The following CNTN5 variants were observed in gnomAD, a reference collection of about 807,000 sequenced individuals.
The protein encoded by CNTN5 is contactin 5.
In CNTN5, 77 loss-of-function variants were observed where a neutral mutation model predicts 129.1. The ratio of observed to expected loss-of-function variants is 0.60; its 90% CI spans 0.50 to 0.72. The LOEUF (loss-of-function observed/expected upper bound fraction) is 0.72, where lower values mean the gene tolerates loss of function less well. Among genes scored for constraint, CNTN5 ranks in the 30% least tolerant of loss-of-function variants. The pLI, the probability that CNTN5 is intolerant of heterozygous loss-of-function variation, is 0.00. For synonymous variants in CNTN5, 509 were observed against 465.6 expected (o/e 1.09, Z -1.20); for missense variants, 1,478 against 1,328.8 (o/e 1.11, Z -1.75).
At chr11:99,204,801 T>C (rs7938173) in intron 1 of CNTN5, among the ~76,000 whole-genome samples, 78,268 of 151,936 alleles carry the variant, frequency 0.52, 20,406 homozygotes, top group African/African-American at 0.61. Context: ...AGAGCTGGCG[T>C]GGAGGTATTC....
At chr11:99,890,028 T>C (rs962028899) in intron 6 of CNTN5, among the ~76,000 whole-genome samples, 3 of 152,230 alleles carry the variant, frequency 2.0e-5, no homozygotes, top group Non-Finnish European at 2.9e-5. Flanking sequence ...TAATCACATA[T>C]GTTTTCTCAT....
chr11:100,332,224 A>G (rs182778320), intron 21 of CNTN5, among the ~76,000 whole-genome samples: 2 of 152,284 alleles, frequency 1.3e-5, no homozygotes, highest in East Asian at 3.9e-4. Context: ...TGCATAAACT[A>G]GAAAATCTAG....
At chr11:99,042,359 C>CTTTTTTTT (rs1864020011) in intron 1 of CNTN5, among the ~76,000 whole-genome samples, 1 of 129,784 alleles carries the variant, frequency 7.7e-6, no homozygotes, top group African/African-American at 3.1e-5. Flanking sequence ...CTCCCTTCTT[C>CTTTTTTTT]TTCTTCTTTT....
chr11:100,244,822 G>A (rs1056988286), intron 16 of CNTN5, among the ~76,000 whole-genome samples: 3 of 151,930 alleles, frequency 2.0e-5, no homozygotes, highest in South Asian at 2.1e-4. Flanking sequence ...TGTTTGTTTC[G>A]GCTAGCTTTT....
At chr11:99,628,777 A>AT (rs1207795174) in intron 3 of CNTN5, among the ~76,000 whole-genome samples, 22 of 152,080 alleles carry the variant, frequency 1.4e-4, no homozygotes, top group African/African-American at 5.3e-4. Flanking sequence ...CTTCTGTTTG[A>AT]TTTTTTTCCT....
chr11:99,593,761 G>A (rs1950046136), intron 3 of CNTN5, among the ~76,000 whole-genome samples: 1 of 152,110 alleles, frequency 6.6e-6, no homozygotes, highest in Admixed American at 6.5e-5. Context: ...CTTCTTCTGT[G>A]TTTACAGAGG....
At chr11:99,379,743 T>C (rs745923239) in intron 2 of CNTN5, among the ~76,000 whole-genome samples, 15 of 152,202 alleles carry the variant, frequency 9.9e-5, no homozygotes, top group Non-Finnish European at 1.9e-4. Flanking sequence ...GCCCCTCCAG[T>C]GGGGCAGAGA....
chr11:100,049,133 GT>G (rs1406495014), intron 9 of CNTN5, among the ~76,000 whole-genome samples: 1 of 151,888 alleles, frequency 6.6e-6, no homozygotes, highest in Non-Finnish European at 1.5e-5. Flanking sequence ...AGCAAGAAAT[GT>G]TTTTTTAAAA....
chr11:99,606,761 T>A (rs1443831137), intron 3 of CNTN5, among the ~76,000 whole-genome samples: 6 of 143,254 alleles, frequency 4.2e-5, no homozygotes, highest in Non-Finnish European at 6.2e-5. Context: ...TATAGATCAA[T>A]GGAACAGAAC....
rs537351329 is a variant in CNTN5 at position 99,592,516 on chromosome 11, A to G, written c.55+36247A>G. Among the ~76,000 whole-genome samples the G allele has an allele frequency of 3.9e-5, 6 of 152,306 alleles. No individual in the cohort carries two copies. In the South Asian group the frequency reaches 1.2e-3, roughly 32 times the overall value. ...GGAGACACAGCCATTTGAGTATGAT[A>G]ACATGGGAAGACGCCAAGCTGGAGT... On this transcript the variant is annotated intron_variant, in intron 3 of 24. Coordinates refer to ENST00000524871, the MANE Select transcript of CNTN5 (RefSeq NM_014361.4).
At position 99,225,277 on chromosome 11, in the gene CNTN5, A is replaced by G. The variant is rs147610371; in HGVS notation, c.-209-100069A>G. Among the ~76,000 whole-genome samples, 242 of 152,258 alleles carry G rather than the reference A, an allele frequency of 1.6e-3. 2 individuals carry two copies. Among genetic ancestry groups the G allele is most frequent in the African/African-American group, 4.4e-3 (182 of 41,566 alleles). On this transcript the variant is annotated intron_variant, in intron 1 of 24. Transcript: ENST00000524871. Reference sequence around the variant, plus strand: ...CCCTCCGTGTGACAATGTGAAGCCTATAGCAACAGGGCGCTATAGGCCTGC... The same window carrying G: ...CCCTCCGTGTGACAATGTGAAGCCTGTAGCAACAGGGCGCTATAGGCCTGC...
chr11:99,541,379 G>C (rs1052856831), intron 2 of CNTN5, among the ~76,000 whole-genome samples: 3 of 152,056 alleles, frequency 2.0e-5, no homozygotes, highest in African/African-American at 7.2e-5. Context: ...ATGGTGGTTG[G>C]TACTTTTTAT....
At chr11:99,217,865 G>T (rs1357557807) in intron 1 of CNTN5, among the ~76,000 whole-genome samples, 6 of 151,926 alleles carry the variant, frequency 3.9e-5, no homozygotes, top group Admixed American at 3.9e-4. Flanking sequence ...TCCCATAATT[G>T]CTACCTCCTT....
chr11:99,979,395 C>T (rs1938195096), intron 8 of CNTN5, among the ~76,000 whole-genome samples: 1 of 152,104 alleles, frequency 6.6e-6, no homozygotes, highest in Admixed American at 6.5e-5. Flanking sequence ...TTGTGAATTG[C>T]CCCAATTCTG....
chr11:99,858,616 G>GT (rs142916974), intron 6 of CNTN5, among the ~76,000 whole-genome samples: 150,452 of 150,452 alleles, frequency 1, 75,226 homozygotes, highest in Non-Finnish European at 1. Flanking sequence ...CCTTTAGAAA[G>GT]ATTCTGTGGC....
intron 2 of CNTN5, among the ~76,000 whole-genome samples, chr11:99,483,069 GGGA>G (rs1228489450): frequency 6.6e-6 from 1 of 151,080 alleles, no homozygotes; most frequent in Non-Finnish European, 1.5e-5. Flanking sequence ...CCAGCTACTG[GGGA>G]GGCTGAGGCA....
intron 3 of CNTN5, among the ~76,000 whole-genome samples, chr11:99,694,001 G>A (rs1178573393): frequency 6.6e-6 from 1 of 152,050 alleles, no homozygotes; most frequent in Non-Finnish European, 1.5e-5. Context: ...AGATCAGACG[G>A]GTGATTCAGA....
intron 2 of CNTN5, among the ~76,000 whole-genome samples, chr11:99,374,665 C>G (rs1940050787): frequency 6.6e-6 from 1 of 151,916 alleles, no homozygotes; most frequent in Non-Finnish European, 1.5e-5. Flanking sequence ...GCCTGGGCGA[C>G]AGAGTGAGAC....
chr11:100,101,005 C>T (rs1185642925), intron 13 of CNTN5, among the ~76,000 whole-genome samples: 1 of 151,958 alleles, frequency 6.6e-6, no homozygotes. Flanking sequence ...TTTAGCCAGT[C>T]CTTATAATGA....
Sources: allele counts gnomAD v4.1 joint callset (sites outside exome capture counted in the v4.1 genomes callset), GRCh38; gene constraint gnomAD v4.1.1; transcripts MANE v1.5; gene names NCBI Gene and HGNC (gene_info 2026-07-23, HGNC 2026-07-21).